Variants in GRID2 observed in about 807,000 individuals in gnomAD.
The protein encoded by GRID2 is glutamate ionotropic receptor delta type subunit 2, also known as glutamate receptor ionotropic, delta-2.
In GRID2, 33 loss-of-function variants were observed where a neutral mutation model predicts 114.8. The ratio of observed to expected loss-of-function variants is 0.29; its 90% CI spans 0.22 to 0.38. The LOEUF (loss-of-function observed/expected upper bound fraction) is 0.38. GRID2 is among the 10% of genes least tolerant of loss of function. The pLI is 1.00. For missense variants in GRID2, 1,184 were observed against 1,257.7 expected, an observed-to-expected ratio of 0.94 and a Z score of 0.89; for synonymous variants, 505 against 449.9, an observed-to-expected ratio of 1.12 and a Z score of -1.55.
At chr4:93,561,759 A>G (rs1032937793) in intron 13 of GRID2, among the ~76,000 whole-genome samples, 5 of 152,128 alleles carry the variant, frequency 3.3e-5, no homozygotes, top group Admixed American at 1.3e-4. Context: ...TTCCCAGAAT[A>G]TCATGCAATT....
At chr4:92,558,886 G>A (rs1296158897) in intron 1 of GRID2, among the ~76,000 whole-genome samples, 1 of 152,094 alleles carries the variant, frequency 6.6e-6, no homozygotes, top group African/African-American at 2.4e-5. Flanking sequence ...TATATTTGTG[G>A]CTGAGGTCAA....
intron 8 of GRID2, among the ~76,000 whole-genome samples, chr4:93,336,494 G>A (rs1759103715): frequency 6.6e-6 from 1 of 152,148 alleles, no homozygotes; most frequent in Non-Finnish European, 1.5e-5. Context: ...AACAAGCAAT[G>A]CTTCATCAAA....
chr4:92,599,187 A>C (rs539326393), intron 2 of GRID2, among the ~76,000 whole-genome samples: 1 of 152,174 alleles, frequency 6.6e-6, no homozygotes, highest in South Asian at 2.1e-4. Context: ...GGGAGGATTT[A>C]AAATACCTTG....
intron 1 of GRID2, among the ~76,000 whole-genome samples, chr4:92,348,227 A>G (rs998996980): frequency 1.3e-5 from 2 of 152,094 alleles, no homozygotes; most frequent in Non-Finnish European, 2.9e-5. Flanking sequence ...TGGTCTCCCA[A>G]AGTGTAGGGA....
At chr4:92,887,812 T>G (rs35991042) in intron 2 of GRID2, among the ~76,000 whole-genome samples, 2,700 of 152,342 alleles carry the variant, frequency 0.018, 45 homozygotes, top group Non-Finnish European at 0.029. Context: ...TCTTAAAATC[T>G]GATTCTGTCC....
intron 2 of GRID2, among the ~76,000 whole-genome samples, chr4:92,629,438 C>G (rs532267063): frequency 1.3e-5 from 2 of 152,190 alleles, no homozygotes; most frequent in South Asian, 4.1e-4. Flanking sequence ...CATTGAACTA[C>G]TTCAAAATGT....
chr4:93,364,707 G>T (rs1762179126), intron 8 of GRID2, among the ~76,000 whole-genome samples: 1 of 151,962 alleles, frequency 6.6e-6, no homozygotes, highest in Admixed American at 6.6e-5. Flanking sequence ...TTGAATTTGG[G>T]GCCTCGAGTG....
chr4:93,216,618 A>G (rs540357577), intron 5 of GRID2, 120 bp from the exon 6 acceptor site: 233 of 684,406 alleles, frequency 3.4e-4, no homozygotes, highest in Middle Eastern at 1.5e-3. Flanking sequence ...TGCACTAAGC[A>G]TTAAAACCAA....
At chr4:92,393,270 A>T (rs1425628997) in intron 1 of GRID2, among the ~76,000 whole-genome samples, 1 of 152,184 alleles carries the variant, frequency 6.6e-6, no homozygotes, top group Non-Finnish European at 1.5e-5. Context: ...TTACAACTGA[A>T]TATGAGATTT....
At chr4:92,702,212 A>G (rs996593555) in intron 2 of GRID2, 1 of 152,162 alleles carries the variant, frequency 6.6e-6, no homozygotes, top group Non-Finnish European at 1.5e-5. Flanking sequence ...CGCCCTATAG[A>G]TGATATTATC....
intron 13 of GRID2, among the ~76,000 whole-genome samples, chr4:93,571,715 C>T (rs1735946583): frequency 6.6e-6 from 1 of 151,886 alleles, no homozygotes; most frequent in South Asian, 2.1e-4. Context: ...AAAAGTAATG[C>T]TTATTTTATG....
At chr4:93,577,235 C>T (rs748093408) in intron 13 of GRID2, among the ~76,000 whole-genome samples, 1 of 151,670 alleles carries the variant, frequency 6.6e-6, no homozygotes, top group African/African-American at 2.4e-5. Flanking sequence ...GGTCAAAGTA[C>T]AATTATGGAT....
chr4:93,598,153 A>T (rs1405234567), intron 13 of GRID2, among the ~76,000 whole-genome samples: 1 of 152,228 alleles, frequency 6.6e-6, no homozygotes, highest in Non-Finnish European at 1.5e-5. Context: ...AACACAGTCT[A>T]ATAAGAGGAA....
intron 2 of GRID2, among the ~76,000 whole-genome samples, chr4:92,679,858 AT>A (rs1560528561): frequency 6.6e-6 from 1 of 151,836 alleles, no homozygotes; most frequent in African/African-American, 2.4e-5. Context: ...CATATAATTG[AT>A]TTCTTTCTTC....
chr4:93,169,795 A>G (rs1738618614), intron 4 of GRID2, among the ~76,000 whole-genome samples: 1 of 152,210 alleles, frequency 6.6e-6, no homozygotes, highest in Non-Finnish European at 1.5e-5. Context: ...CAATTATCCT[A>G]CATCTAGAGG....
At chr4:93,160,770 A>G (rs1013180419) in intron 4 of GRID2, among the ~76,000 whole-genome samples, 2 of 151,826 alleles carry the variant, frequency 1.3e-5, no homozygotes, top group Non-Finnish European at 2.9e-5. Context: ...GTAAATTGAT[A>G]TTAGTGTGGA....
At chr4:93,606,875 T>G (rs1400028908) in intron 13 of GRID2, among the ~76,000 whole-genome samples, 2 of 152,150 alleles carry the variant, frequency 1.3e-5, no homozygotes, top group Non-Finnish European at 2.9e-5. Context: ...ATGATGGTAT[T>G]TAAAAATTCT....
At chr4:92,447,321 A>G (rs1428038258) in intron 1 of GRID2, among the ~76,000 whole-genome samples, 1 of 152,206 alleles carries the variant, frequency 6.6e-6, no homozygotes, top group African/African-American at 2.4e-5. Context: ...AGATAAAATT[A>G]TCTTCAGAAA....
intron 2 of GRID2, among the ~76,000 whole-genome samples, chr4:92,650,108 T>A (rs182051257): frequency 4.3e-4 from 66 of 152,094 alleles, no homozygotes; most frequent in African/African-American, 1.5e-3. Context: ...TTTCATAATA[T>A]AGGAGAGGGG....
Sources: allele counts gnomAD v4.1 joint callset (sites outside exome capture counted in the v4.1 genomes callset), GRCh38; gene constraint gnomAD v4.1.1; transcripts MANE v1.5; gene names NCBI Gene and HGNC (gene_info 2026-07-23, HGNC 2026-07-21).